SDF4: variants seen among roughly 807,000 people sequenced by gnomAD.
SDF4 encodes the protein 45 kDa calcium-binding protein.
Under a neutral mutation model 34.2 loss-of-function variants are expected in SDF4, and 22 were observed. The observed-to-expected ratio is 0.64, with a 90% CI of 0.46 to 0.92. The LOEUF is 0.92. SDF4 is among the 40% of genes least tolerant of loss of function. The pLI is 0.00. For synonymous variants in SDF4, 236 were observed against 203.1 expected, an observed-to-expected ratio of 1.16 and a Z score of -1.38; for missense variants, 447 against 499.9, an observed-to-expected ratio of 0.89 and a Z score of 1.01.
Position 1,218,718 on chromosome 1 carries a change from G to A in SDF4, c.715+51C>T. 1 of 1,611,766 alleles carries A rather than the reference G, an allele frequency of 6.2e-7. No homozygotes were observed. Among genetic ancestry groups the A allele is most frequent in the Non-Finnish European group, 8.5e-7 (1 of 1,178,814 alleles). Reference sequence around the variant, plus strand: ...GACCTCCCGACGATGCCCGGCCCCTGCCAGTCGGTCCTGGGTCCTGGCGTG... The same window carrying A: ...GACCTCCCGACGATGCCCGGCCCCTACCAGTCGGTCCTGGGTCCTGGCGTG... On this transcript the variant is annotated intron_variant, in intron 5 of 6. Transcript: ENST00000360001. The surrounding 1 kb of genome is among the most constrained non-coding windows in gnomAD (Gnocchi z 7.9).
At chr1:1,228,158 A>G (rs1049416401) in intron 2 of SDF4, among the ~76,000 whole-genome samples, 7 of 152,172 alleles carry the variant, frequency 4.6e-5, no homozygotes, top group Admixed American at 3.9e-4. Flanking sequence ...GCCCCTCAGC[A>G]TGGAGGACGC....
Position 1,229,723 on chromosome 1 carries a change from G to A in SDF4, c.-174-777C>T, listed in dbSNP as rs565144381. 5.3e-5 allele frequency among the ~76,000 whole-genome samples: 8 copies of A among 152,300 alleles called. No homozygotes were observed. The South Asian group carries it at 1.2e-3, about 24-fold the overall frequency. On this transcript the variant is annotated intron_variant, in intron 1 of 6. Coordinates refer to ENST00000360001, the MANE Select transcript of SDF4 (RefSeq NM_016176.6). ...CAGACCCTGACTTGAACATTCTTGA[G>A]ATCTATGACCTTAGCTAAGTCATGT...
chr1:1,223,707 C>T lies in SDF4; in HGVS notation c.442+125G>A, dbSNP rs1221489628. On this transcript the variant is annotated intron_variant, in intron 3 of 6. Coordinates refer to ENST00000360001, the MANE Select transcript of SDF4 (RefSeq NM_016176.6). ...TGCACCCCACCACACCTCGGGGTCT[C>T]CGGCTGACACTTCCCCACCGCCCGT... is the stretch of plus-strand genomic sequence containing the variant. 3 of 947,520 alleles carry T rather than the reference C, an allele frequency of 3.2e-6. No individual in the cohort carries two copies. The African/African-American group carries it at 4.9e-5, about 15-fold the overall frequency. 58.7% of individuals were successfully genotyped at this position (947,520 alleles called of 1,614,324 possible).
intron 4 of SDF4, chr1:1,220,138 C>A: frequency 1.5e-5 from 15 of 987,788 alleles, no homozygotes; most frequent in Non-Finnish European, 1.8e-5. Context: ...CGCCGCCGAG[C>A]CCCAGCACCA....
rs369523670 is a variant in SDF4 at position 1,217,801 on chromosome 1, C to T, written c.892-113G>A. The T allele has an allele frequency of 4.7e-5, 74 of 1,576,832 alleles. No individual in the cohort carries two copies. Among genetic ancestry groups the T allele is most frequent in the Admixed American group, 6.9e-5 (4 of 57,726 alleles). On this transcript the variant is annotated intron_variant, in intron 6 of 6. Coordinates refer to ENST00000360001, the MANE Select transcript of SDF4 (RefSeq NM_016176.6). This position sits in a 1 kb window ranked among gnomAD's most constrained non-coding sequence, Gnocchi z 8.5. ...ATTGGCTGCAGCGGGAGTGTGGGCA[C>T]GTTCTGGAAGGTTCCCGAAGGGAGG...
Position 1,228,866 on chromosome 1 carries a change from G to T in SDF4, c.-94C>A. On this transcript the variant is annotated 5_prime_UTR_variant, in exon 2 of 7. Coordinates refer to ENST00000360001, the MANE Select transcript of SDF4 (RefSeq NM_016176.6). ...GGGGCAGAGGAGGAAGTGAGGTCCT[G>T]GCTCCAATCCAATCCCCGGGCACCA... 8.3e-7 allele frequency: 1 copy of T among 1,211,538 alleles called. No individual in the cohort carries two copies. Among genetic ancestry groups the T allele is most frequent in the Non-Finnish European group, 1.1e-6 (1 of 876,006 alleles). 75.0% of individuals were successfully genotyped at this position (1,211,538 alleles called of 1,614,324 possible).
In SDF4 at chr1:1,218,758, C is replaced by T. The variant is rs762843258; in HGVS notation, c.715+11G>A. 5 of 1,612,444 alleles carry T rather than the reference C, an allele frequency of 3.1e-6. No individual in the cohort carries two copies. Among genetic ancestry groups the T allele is most frequent in the Middle Eastern group, 1.7e-4 (1 of 6,058 alleles). ...GTCCTGGCGTGCCGGCCAGGCTGGA[C>T]CCAGCCTCACCCAGGTCCCGGACGA... is the stretch of plus-strand genomic sequence containing the variant. On this transcript the variant is annotated intron_variant, in intron 5 of 6. Transcript: ENST00000360001. This position sits in a 1 kb window ranked among gnomAD's most constrained non-coding sequence, Gnocchi z 7.9.
At position 1,228,343 on chromosome 1, in the gene SDF4, C is replaced by T. The variant is rs1403484078; in HGVS notation, c.305+125G>A. Reference sequence around the variant, plus strand: ...CTGGAAGTGGCGCTCATCACCGGCACGTCTTCCCAGCCCGGCAGGTCCCGA... The same window carrying T: ...CTGGAAGTGGCGCTCATCACCGGCATGTCTTCCCAGCCCGGCAGGTCCCGA... On this transcript the variant is annotated intron_variant, in intron 2 of 6. Coordinates refer to ENST00000360001, the MANE Select transcript of SDF4 (RefSeq NM_016176.6). 7.3e-6 allele frequency: 8 copies of T among 1,096,044 alleles called. No individual in the cohort carries two copies. In the East Asian group the frequency reaches 7.8e-5, roughly 11 times the overall value. 67.9% of individuals were successfully genotyped at this position (1,096,044 alleles called of 1,614,324 possible). A position where few individuals can be genotyped will look rare whatever the true frequency, so the allele number is the denominator to read the frequency against.
At chr1:1,229,967 G>A (rs931459921) in intron 1 of SDF4, among the ~76,000 whole-genome samples, 8 of 152,210 alleles carry the variant, frequency 5.3e-5, no homozygotes, top group African/African-American at 1.9e-4. Context: ...ACTCGCGAGC[G>A]AACGCCAAGG....
chr1:1,228,939 C>T lies in SDF4; in HGVS notation c.-167G>A. ...ACGGCCGCAGGATGGGGACAAGCAG[C>T]TCACAGTCTGCAGAGAGACACAGAC... On this transcript the variant is annotated 5_prime_UTR_variant, in exon 2 of 7. Coordinates refer to ENST00000360001, the MANE Select transcript of SDF4 (RefSeq NM_016176.6). 1 of 618,876 alleles carries T rather than the reference C, an allele frequency of 1.6e-6. No homozygotes were observed. Among genetic ancestry groups the T allele is most frequent in the East Asian group, 2.8e-5 (1 of 36,356 alleles). 38.3% of individuals were successfully genotyped at this position (618,876 alleles called of 1,614,324 possible). A position where few individuals can be genotyped will look rare whatever the true frequency, so the allele number is the denominator to read the frequency against.
chr1:1,221,132 A>G (rs1649927814), intron 4 of SDF4: 3 of 263,360 alleles, frequency 1.1e-5, no homozygotes, highest in Non-Finnish European at 2.3e-5. Flanking sequence ...TAGAACGGAC[A>G]GGACCAAACT....
At chr1:1,229,161 G>A (rs1368533104) in intron 1 of SDF4, among the ~76,000 whole-genome samples, 1 of 152,104 alleles carries the variant, frequency 6.6e-6, no homozygotes, top group African/African-American at 2.4e-5. Flanking sequence ...ACCACACGTG[G>A]CATTTGTTTT....
At position 1,220,008 on chromosome 1, in the gene SDF4, G is replaced by C. The variant is rs1272404276; in HGVS notation, c.557-1081C>G. ...GTTCCTGGGGCACCCCTCCCTGTCT[G>C]CTCCACCGCAGCTCCTGGGATGGAT... On this transcript the variant is annotated intron_variant, in intron 4 of 6. Transcript: ENST00000360001. The C allele has an allele frequency of 6.1e-6, 6 of 985,670 alleles. No individual in the cohort carries two copies. The African/African-American group carries it at 8.7e-5, about 14-fold the overall frequency. The allele number at this position is 985,670 out of a possible 1,614,324, so 61.1% of individuals were successfully genotyped here.
In SDF4 at chr1:1,228,531, C is replaced by G. The variant is rs774669174; in HGVS notation, c.242G>C (p.Gly81Ala). 6.2e-7 allele frequency: 1 copy of G among 1,612,914 alleles called. No individual in the cohort carries two copies. The highest frequency in any genetic ancestry group is 1.7e-5 in the Admixed American group (1 of 60,018). The change falls in exon 2 of 7, where the codon GGT becomes GCT. Residue 81 changes from glycine (G) to alanine (A), a missense_variant. By Grantham distance (60) the Gly-to-Ala change is moderately conservative. Transcript: ENST00000360001. Reference protein sequence around the residue: ...HQEVFLGKDLGGFDEDAEPRR... With the variant: ...HQEVFLGKDLAGFDEDAEPRR... ...CGGCTCCGCGTCCTCATCAAAGCCACCCAGGTCCTTGCCTAGGAAGACCTC... is the reference window on the plus strand; with the variant it reads ...CGGCTCCGCGTCCTCATCAAAGCCAGCCAGGTCCTTGCCTAGGAAGACCTC...
chr1:1,217,370 C>T lies in SDF4; in HGVS notation c.*142G>A. ...CGCGCTGCAGAGGGGACACGCCGCT[C>T]ATCAACTGGGGCAGCCGCGGTCGGT... On this transcript the variant is annotated 3_prime_UTR_variant, in exon 7 of 7. Transcript: ENST00000360001. The surrounding 1 kb of genome is among the most constrained non-coding windows in gnomAD (Gnocchi z 8.5). The T allele has an allele frequency of 1.6e-6, 1 of 623,830 alleles. No individual in the cohort carries two copies. The allele number at this position is 623,830 out of a possible 1,614,324, so 38.6% of individuals were successfully genotyped here. A position where few individuals can be genotyped will look rare whatever the true frequency, so the allele number is the denominator to read the frequency against.
chr1:1,226,832 A>G (rs1347067565), intron 2 of SDF4, among the ~76,000 whole-genome samples: 1 of 152,186 alleles, frequency 6.6e-6, no homozygotes, highest in Non-Finnish European at 1.5e-5. Context: ...CCAGGCGTGC[A>G]GCCCACCCCC....
rs149492192 is a variant in SDF4 at position 1,217,591 on chromosome 1, T to C, written c.989A>G (p.Glu330Gly). Residue 330 changes from glutamate (E) to glycine (G), a missense_variant, in exon 7 of 7, where the codon GAG (glutamate) becomes GGG (glycine). Transcript: ENST00000360001. The surrounding 1 kb of genome is among the most constrained non-coding windows in gnomAD (Gnocchi z 8.5). ...GAACTCGCTGTACTTGAGCACCTCCTCGGGCTCCAGGTGGTGGTTCTGGTT... is the reference window on the plus strand; with the variant it reads ...GAACTCGCTGTACTTGAGCACCTCCCCGGGCTCCAGGTGGTGGTTCTGGTT... ...DENQNHHLEP[E>G]EVLKYSEFFT... 149 of 1,613,622 alleles carry C rather than the reference T, an allele frequency of 9.2e-5. No homozygotes were observed. In the African/African-American group the frequency reaches 1.8e-3, roughly 20 times the overall value.
Position 1,220,727 on chromosome 1 carries a change from T to G in SDF4, c.557-1800A>C, listed in dbSNP as rs749826104. On this transcript the variant is annotated intron_variant, in intron 4 of 6. Coordinates refer to ENST00000360001, the MANE Select transcript of SDF4 (RefSeq NM_016176.6). ...CAGAGCTCTAGGTCCAGGTGGGCCA[T>G]GTCCTGGGCAGAAAAGACCCAAATA... The G allele has an allele frequency of 1.3e-4, 162 of 1,289,190 alleles. 1 individual carries two copies. In the South Asian group the frequency reaches 1.9e-3, roughly 15 times the overall value. 79.9% of individuals were successfully genotyped at this position (1,289,190 alleles called of 1,614,324 possible).
chr1:1,217,438 G>T lies in SDF4; in HGVS notation c.*74C>A. On this transcript the variant is annotated 3_prime_UTR_variant, in exon 7 of 7. Transcript: ENST00000360001. This position sits in a 1 kb window ranked among gnomAD's most constrained non-coding sequence, Gnocchi z 8.5. Reference sequence around the variant, plus strand: ...CAGGGAAGAGGTGGGGTCCGGGACAGCCACGGAGCCCGGAGTCACCCGCGA... The same window carrying T: ...CAGGGAAGAGGTGGGGTCCGGGACATCCACGGAGCCCGGAGTCACCCGCGA... 1 of 1,273,414 alleles carries T rather than the reference G, an allele frequency of 7.9e-7. No homozygotes were observed. Among genetic ancestry groups the T allele is most frequent in the Non-Finnish European group, 1.0e-6 (1 of 987,364 alleles). The allele number at this position is 1,273,414 out of a possible 1,614,324, so 78.9% of individuals were successfully genotyped here.
Sources: allele counts gnomAD v4.1 joint callset (sites outside exome capture counted in the v4.1 genomes callset), GRCh38; gene constraint gnomAD v4.1.1; non-coding constraint Gnocchi (gnomAD v3.1); transcripts MANE v1.5; gene names NCBI Gene and HGNC (gene_info 2026-07-23, HGNC 2026-07-21).